The following AGBL4 variants were observed in gnomAD, a reference collection of about 807,000 sequenced individuals.
The protein encoded by AGBL4 is AGBL carboxypeptidase 4, also known as cytosolic carboxypeptidase 6.
A neutral mutation model predicts 66.4 loss-of-function variants in AGBL4; 58 were observed. That is an observed-to-expected ratio of 0.87 (90% CI 0.71 to 1.09). The LOEUF (loss-of-function observed/expected upper bound fraction) is 1.09. Ranked by LOEUF, AGBL4 falls within the 50% of genes least tolerant of loss-of-function variation. The pLI is 0.00. For synonymous variants in AGBL4, 234 were observed against 222.9 expected (o/e 1.05, Z -0.44); for missense variants, 579 against 631.0 (o/e 0.92, Z 0.88).
chr1:49,949,998 GTA>G (rs750658306), intron 1 of AGBL4, among the ~76,000 whole-genome samples: 645 of 105,588 alleles, frequency 6.1e-3, no homozygotes, highest in Middle Eastern at 9.7e-3. Context: ...ATATATATGT[GTA>G]TATATATATA....
chr1:48,577,765 C>G (rs1178583552), intron 11 of AGBL4, among the ~76,000 whole-genome samples: 1 of 152,104 alleles, frequency 6.6e-6, no homozygotes, highest in Non-Finnish European at 1.5e-5. Context: ...ATCGGTCAAA[C>G]TAGGGACGCT....
At chr1:49,461,519 G>A (rs969923413) in intron 3 of AGBL4, among the ~76,000 whole-genome samples, 1 of 148,344 alleles carries the variant, frequency 6.7e-6, no homozygotes, top group Non-Finnish European at 1.5e-5. Flanking sequence ...TATACTTTAA[G>A]TTCTGGGGTA....
At chr1:49,744,001 A>G (rs530301661) in intron 2 of AGBL4, among the ~76,000 whole-genome samples, 2 of 152,098 alleles carry the variant, frequency 1.3e-5, no homozygotes, top group African/African-American at 4.8e-5. Context: ...ACATGTATAC[A>G]TATGTAACAA....
At chr1:49,024,490 T>C (rs1663490602) in intron 5 of AGBL4, among the ~76,000 whole-genome samples, 1 of 152,158 alleles carries the variant, frequency 6.6e-6, no homozygotes, top group South Asian at 2.1e-4. Flanking sequence ...TAATTTCTTC[T>C]ATACAAGTAT....
intron 3 of AGBL4, among the ~76,000 whole-genome samples, chr1:49,508,348 T>C (rs1278530427): frequency 2.0e-5 from 3 of 151,992 alleles, no homozygotes; most frequent in African/African-American, 7.2e-5. Flanking sequence ...TTCAGAAAGA[T>C]AACTAGATAC....
chr1:49,994,871 G>A (rs777222947), intron 1 of AGBL4: 4 of 342,688 alleles, frequency 1.2e-5, no homozygotes, highest in Non-Finnish European at 2.3e-5. Flanking sequence ...TCCTCACTGG[G>A]GTACCTGAAG....
chr1:49,007,857 T>C (rs1420039380), intron 5 of AGBL4, among the ~76,000 whole-genome samples: 1 of 151,838 alleles, frequency 6.6e-6, no homozygotes, highest in Middle Eastern at 3.2e-3. Flanking sequence ...AGGCCTGCCC[T>C]AAATGAGCTC....
intron 5 of AGBL4, among the ~76,000 whole-genome samples, chr1:48,919,622 T>C (rs1653915495): frequency 6.6e-6 from 1 of 152,194 alleles, no homozygotes; most frequent in Non-Finnish European, 1.5e-5. Flanking sequence ...ACACCAGCAG[T>C]ACTGACAATG....
At chr1:49,857,268 G>T (rs1414271217) in intron 1 of AGBL4, among the ~76,000 whole-genome samples, 4 of 152,082 alleles carry the variant, frequency 2.6e-5, no homozygotes, top group Admixed American at 2.0e-4. Flanking sequence ...TGGATTAGAA[G>T]AATAGCATTG....
chr1:49,247,273 C>G lies in AGBL4; in HGVS notation c.283-1409G>C, dbSNP rs1159224607. ...TAAAAAGAGAAAATCAAAAGTATAT[C>G]CTCTGGCCTCATGTTTAGGACTATA... On this transcript the variant is annotated intron_variant, in intron 3 of 13. Transcript: ENST00000371839. 1.3e-5 allele frequency among the ~76,000 whole-genome samples: 2 copies of G among 152,028 alleles called. 1 individual carries two copies. The highest frequency in any genetic ancestry group is 3.8e-4 in the East Asian group (2 of 5,198).
At chr1:48,980,342 T>C (rs1433627324) in intron 5 of AGBL4, among the ~76,000 whole-genome samples, 1 of 152,118 alleles carries the variant, frequency 6.6e-6, no homozygotes, top group African/African-American at 2.4e-5. Flanking sequence ...TTAAATTGGC[T>C]TGATGCTCAA....
intron 3 of AGBL4, among the ~76,000 whole-genome samples, chr1:49,358,505 C>G (rs1278000909): frequency 6.6e-6 from 1 of 152,088 alleles, no homozygotes; most frequent in Admixed American, 6.6e-5. Flanking sequence ...TATTATTGGA[C>G]AGTGAGAACA....
At chr1:49,881,748 T>C (rs1169217469) in intron 1 of AGBL4, among the ~76,000 whole-genome samples, 5 of 151,674 alleles carry the variant, frequency 3.3e-5, no homozygotes, top group Admixed American at 6.6e-5. Context: ...GTTTTTTCCT[T>C]GTAAATTTGT....
intron 2 of AGBL4, among the ~76,000 whole-genome samples, chr1:49,746,258 A>C (rs1451793454): frequency 6.6e-6 from 1 of 151,964 alleles, no homozygotes; most frequent in Admixed American, 6.6e-5. Context: ...ATTGGCATGA[A>C]TTACGCTTTC....
At chr1:49,608,331 A>G (rs1470051710) in intron 3 of AGBL4, among the ~76,000 whole-genome samples, 2 of 152,164 alleles carry the variant, frequency 1.3e-5, no homozygotes, top group Non-Finnish European at 2.9e-5. Context: ...TTTTACTTCT[A>G]TAAGAGAAAT....
At chr1:48,542,241 T>C (rs1644085343) in intron 11 of AGBL4, among the ~76,000 whole-genome samples, 1 of 152,228 alleles carries the variant, frequency 6.6e-6, no homozygotes, top group South Asian at 2.1e-4. Flanking sequence ...CATTCTATCA[T>C]TGATGGGCAT....
chr1:49,903,843 T>C (rs1453858451), intron 1 of AGBL4, among the ~76,000 whole-genome samples: 1 of 152,124 alleles, frequency 6.6e-6, no homozygotes, highest in East Asian at 1.9e-4. Flanking sequence ...GGATTCTATA[T>C]AGGGTCTGAT....
At chr1:48,761,124 T>G in intron 6 of AGBL4, 1 of 535,242 alleles carries the variant, frequency 1.9e-6, no homozygotes, top group Non-Finnish European at 3.3e-6. Context: ...GGACCAAGCT[T>G]GGTGGCACAG....
chr1:48,587,942 TA>T (rs1644850919), intron 10 of AGBL4, among the ~76,000 whole-genome samples: 1 of 152,144 alleles, frequency 6.6e-6, no homozygotes, highest in African/African-American at 2.4e-5. Flanking sequence ...AGAAAAAAAG[TA>T]AAACAAAACA....
Sources: gnomAD v4.1 joint callset for allele counts (sites outside exome capture counted in the v4.1 genomes callset) on GRCh38, gnomAD v4.1.1 for gene constraint, MANE v1.5 for transcripts, NCBI Gene and HGNC (gene_info 2026-07-23, HGNC 2026-07-21) for gene names.